AKR1C8: variants seen among roughly 807,000 people sequenced by gnomAD.
The protein encoded by AKR1C8 is aldo-keto reductase family 1 member C-like protein 1.
chr10:5,159,246 G>A, the AKR1C8 span, among the ~76,000 whole-genome samples: 37,136 of 152,096 alleles, frequency 0.24, 4,712 homozygotes, highest in African/African-American at 0.28. Context: ...CATTAATCAA[G>A]TGAGATCAGA....
At chr10:5,168,353 C>A in the AKR1C8 span, among the ~76,000 whole-genome samples, 1 of 152,040 alleles carries the variant, frequency 6.6e-6, no homozygotes. Flanking sequence ...CCCAGCCCTT[C>A]TTGTTCCCAT....
At chr10:5,153,867 C>A in the AKR1C8 span, among the ~76,000 whole-genome samples, 1 of 152,108 alleles carries the variant, frequency 6.6e-6, no homozygotes, top group African/African-American at 2.4e-5. Flanking sequence ...TTAGAAAAAT[C>A]ATGAAGGAAA....
At chr10:5,180,835 C>T in the AKR1C8 span, among the ~76,000 whole-genome samples, 1,971 of 152,282 alleles carry the variant, frequency 0.013, 12 homozygotes, top group Non-Finnish European at 0.019. Flanking sequence ...TTAAGCCCGT[C>T]GGAAAAGCGC....
chr10:5,173,785 A>G, the AKR1C8 span, among the ~76,000 whole-genome samples: 2 of 152,000 alleles, frequency 1.3e-5, no homozygotes, highest in East Asian at 3.9e-4. Flanking sequence ...CACTCAACTA[A>G]AGATTGATAT....
chr10:5,144,282 T>A, the AKR1C8 span, among the ~76,000 whole-genome samples: 1 of 152,152 alleles, frequency 6.6e-6, no homozygotes, highest in African/African-American at 2.4e-5. Context: ...TGTAGCCTTG[T>A]AGTATAGTTT....
chr10:5,140,892 A>T, the AKR1C8 span, among the ~76,000 whole-genome samples: 5 of 152,162 alleles, frequency 3.3e-5, no homozygotes, highest in Non-Finnish European at 7.3e-5. Context: ...CTGACTGATC[A>T]GGGTCATGGT....
the AKR1C8 span, among the ~76,000 whole-genome samples, chr10:5,160,269 G>T: frequency 5.9e-5 from 9 of 151,978 alleles, no homozygotes; most frequent in African/African-American, 1.9e-4. Flanking sequence ...CTACCTATCT[G>T]GCTTGAGATA....
the AKR1C8 span, among the ~76,000 whole-genome samples, chr10:5,164,639 G>A: frequency 2.6e-5 from 4 of 152,126 alleles, no homozygotes; most frequent in South Asian, 8.3e-4. Context: ...CAAGACTCAG[G>A]GGACAGGCTT....
the AKR1C8 span, among the ~76,000 whole-genome samples, chr10:5,116,615 C>A: frequency 2.0e-5 from 3 of 152,192 alleles, no homozygotes; most frequent in African/African-American, 4.8e-5. Context: ...ACCACCCAGC[C>A]AAAATATTGG....
chr10:5,178,917 C>G, the AKR1C8 span, among the ~76,000 whole-genome samples: 1 of 152,126 alleles, frequency 6.6e-6, no homozygotes, highest in Non-Finnish European at 1.5e-5. Context: ...ACTGATGGGT[C>G]TTGACTCTTT....
At chr10:5,125,962 G>A in the AKR1C8 span, among the ~76,000 whole-genome samples, 13 of 152,178 alleles carry the variant, frequency 8.5e-5, no homozygotes, top group Non-Finnish European at 1.6e-4. Context: ...GTAATGGAAG[G>A]AGCGTCACAT....
the AKR1C8 span, among the ~76,000 whole-genome samples, chr10:5,177,888 G>T: frequency 1.2e-3 from 184 of 151,992 alleles, 1 homozygote; most frequent in African/African-American, 4.3e-3. Flanking sequence ...TTATTAGTCT[G>T]GCTAGTGGTC....
At chr10:5,125,105 TG>T in the AKR1C8 span, among the ~76,000 whole-genome samples, 1 of 152,136 alleles carries the variant, frequency 6.6e-6, no homozygotes, top group Non-Finnish European at 1.5e-5. Flanking sequence ...CATCTCTCAT[TG>T]TTGTATAATT....
At chr10:5,139,441 A>T in the AKR1C8 span, among the ~76,000 whole-genome samples, 1 of 152,244 alleles carries the variant, frequency 6.6e-6, no homozygotes, top group Non-Finnish European at 1.5e-5. Context: ...TGGTACTAGT[A>T]CCAAAACAGA....
chr10:5,177,155 A>G, the AKR1C8 span, among the ~76,000 whole-genome samples: 1 of 152,154 alleles, frequency 6.6e-6, no homozygotes, highest in African/African-American at 2.4e-5. Flanking sequence ...GCATCCCATC[A>G]ATACCTGATT....
At chr10:5,147,226 A>C in the AKR1C8 span, among the ~76,000 whole-genome samples, 1 of 152,150 alleles carries the variant, frequency 6.6e-6, no homozygotes, top group Non-Finnish European at 1.5e-5. Context: ...GAATTCACTC[A>C]CTACTGCAGG....
the AKR1C8 span, among the ~76,000 whole-genome samples, chr10:5,174,938 C>A: frequency 1.3e-5 from 2 of 151,648 alleles, no homozygotes; most frequent in East Asian, 1.9e-4. Flanking sequence ...TTTCATAAAT[C>A]GAACATTGAA....
At chr10:5,181,975 A>T in the AKR1C8 span, among the ~76,000 whole-genome samples, 1 of 152,218 alleles carries the variant, frequency 6.6e-6, no homozygotes, top group Admixed American at 6.5e-5. Flanking sequence ...ACAGAACAAG[A>T]GTTAACAAAA....
the AKR1C8 span, among the ~76,000 whole-genome samples, chr10:5,124,405 A>G: frequency 2.0e-5 from 3 of 152,160 alleles, no homozygotes; most frequent in Admixed American, 2.0e-4. Flanking sequence ...GAATAATTAA[A>G]GGGAAAGAGT....
Sources: allele counts gnomAD v4.1 joint callset (sites outside exome capture counted in the v4.1 genomes callset), GRCh38; gene constraint gnomAD v4.1.1; transcripts MANE v1.5; gene names NCBI Gene and HGNC (gene_info 2026-07-23, HGNC 2026-07-21).